Variants in FAM171A1 observed in about 807,000 individuals in gnomAD.
FAM171A1 encodes family with sequence similarity 171 member A1.
FAM171A1 carries 23 observed loss-of-function variants against 74.9 expected under a neutral mutation model. That is an observed-to-expected ratio of 0.31 (90% CI 0.22 to 0.44). FAM171A1 has a LOEUF of 0.44. Ranked by LOEUF, FAM171A1 falls within the 20% of genes least tolerant of loss-of-function variation. FAM171A1 has a pLI of 1.00. For synonymous variants in FAM171A1, 527 were observed against 505.7 expected, an observed-to-expected ratio of 1.04 and a Z score of -0.57; for missense variants, 1,162 against 1,159.2, an observed-to-expected ratio of 1.00 and a Z score of -0.03.
chr10:15,263,675 C>T lies in FAM171A1; in HGVS notation c.419-8796G>A, dbSNP rs150180932. Among the ~76,000 whole-genome samples the T allele has an allele frequency of 2.9e-3, 449 of 152,210 alleles. 3 individuals carry two copies. The highest frequency in any genetic ancestry group is 0.01 in the African/African-American group (422 of 41,520). On this transcript the variant is annotated intron_variant, in intron 3 of 7. Coordinates refer to ENST00000378116, the MANE Select transcript of FAM171A1 (RefSeq NM_001010924.2). ...AAGACAGTCCTGGCTGGCTGCTTGCCTATCTATCTATGCATCTATCAATCA... is the reference window on the plus strand; with the variant it reads ...AAGACAGTCCTGGCTGGCTGCTTGCTTATCTATCTATGCATCTATCAATCA...
At position 15,213,558 on chromosome 10, in the gene FAM171A1, G is replaced by A. The variant is rs140944227; in HGVS notation, c.2030C>T (p.Ala677Val). The A allele has an allele frequency of 6.2e-6, 10 of 1,614,134 alleles. No homozygotes were observed. The South Asian group carries it at 6.6e-5, about 11-fold the overall frequency. The change falls in exon 8 of 8, where the codon GCT becomes GTT. Residue 677 changes from alanine (A) to valine (V), a missense_variant. By Grantham distance (64) the Ala-to-Val change is moderately conservative. Coordinates refer to ENST00000378116, the MANE Select transcript of FAM171A1 (RefSeq NM_001010924.2). This position sits in a 1 kb window ranked among gnomAD's most constrained non-coding sequence, Gnocchi z 6.8. Reference protein sequence around the residue: ...LSIPASLNDAALAQMNSEVQL... With the variant: ...LSIPASLNDAVLAQMNSEVQL... ...CACCTCACTGTTCATCTGAGCCAAA[G>A]CCGCGTCGTTCAGGGAAGCTGGGAT...
Position 15,367,713 on chromosome 10 carries a change from C to T in FAM171A1, c.97+3243G>A, listed in dbSNP as rs1233732403. 2.6e-5 allele frequency among the ~76,000 whole-genome samples: 4 copies of T among 152,232 alleles called. 1 individual carries two copies. The South Asian group carries it at 8.3e-4, about 31-fold the overall frequency. On this transcript the variant is annotated intron_variant, in intron 1 of 7. Transcript: ENST00000378116. Reference sequence around the variant, plus strand: ...CAATCATTGTCTTCAAATGTTATAACAGATTGCAGCTTTTCTGAGATGAGC... The same window carrying T: ...CAATCATTGTCTTCAAATGTTATAATAGATTGCAGCTTTTCTGAGATGAGC...
At chr10:15,294,054 G>T (rs990009190) in intron 1 of FAM171A1, among the ~76,000 whole-genome samples, 1 of 152,206 alleles carries the variant, frequency 6.6e-6, no homozygotes, top group East Asian at 1.9e-4. Context: ...CAAAGGGACC[G>T]CAGAGGAGGC....
At chr10:15,311,659 A>T (rs970363674) in intron 1 of FAM171A1, among the ~76,000 whole-genome samples, 3 of 151,790 alleles carry the variant, frequency 2.0e-5, no homozygotes, top group Admixed American at 6.6e-5. Flanking sequence ...GCCCCCTAGT[A>T]AGCCGCCCCA....
rs1564616781 is a variant in FAM171A1, at chr10:15,229,765, CCATCACCATCATCACCAT to C, written c.755-8723_755-8706del. 2.1e-4 allele frequency among the ~76,000 whole-genome samples: 11 copies of C among 53,394 alleles called. 4 individuals are homozygous for C. Among genetic ancestry groups the C allele is most frequent in the African/African-American group, 7.3e-4 (11 of 15,136 alleles). 35.0% of individuals were successfully genotyped at this position (53,394 alleles called of 152,430 possible). A position where few individuals can be genotyped will look rare whatever the true frequency, so the allele number is the denominator to read the frequency against. On this transcript the variant is annotated intron_variant, in intron 5 of 7. Transcript: ENST00000378116. ...CCCATCACCATCATCACCATCACCA[CCATCACCATCATCACCAT>C]CACCACCATCACCATCATCACCATC...
At chr10:15,359,809 C>T (rs2131888004) in intron 1 of FAM171A1, among the ~76,000 whole-genome samples, 1 of 152,254 alleles carries the variant, frequency 6.6e-6, no homozygotes, top group South Asian at 2.1e-4. Context: ...GGCAAGGTGA[C>T]AAGGAATGCA....
chr10:15,290,803 G>A (rs991883222), intron 1 of FAM171A1, among the ~76,000 whole-genome samples: 1 of 152,152 alleles, frequency 6.6e-6, no homozygotes, highest in African/African-American at 2.4e-5. Flanking sequence ...GAACGACCAG[G>A]TTGTTTACCA....
At position 15,354,811 on chromosome 10, in the gene FAM171A1, A is replaced by G. The variant is rs570068297; in HGVS notation, c.97+16145T>C. Among the ~76,000 whole-genome samples, 5 of 152,284 alleles carry G rather than the reference A, an allele frequency of 3.3e-5. No homozygotes were observed. The East Asian group carries it at 9.6e-4, about 29-fold the overall frequency. On this transcript the variant is annotated intron_variant, in intron 1 of 7. Coordinates refer to ENST00000378116, the MANE Select transcript of FAM171A1 (RefSeq NM_001010924.2). ...GGTGAATGGTACAAGCAGAGGAAATAAGGAAATAATCCTATCCTGTCTAAC... is the reference window on the plus strand; with the variant it reads ...GGTGAATGGTACAAGCAGAGGAAATGAGGAAATAATCCTATCCTGTCTAAC...
chr10:15,234,713 C>A (rs1326658180), intron 5 of FAM171A1, among the ~76,000 whole-genome samples: 1 of 151,300 alleles, frequency 6.6e-6, no homozygotes, highest in Non-Finnish European at 1.5e-5. Context: ...AGTGCAGTGG[C>A]GCGATCTTGG....
At chr10:15,316,367 C>T (rs1035214782) in intron 1 of FAM171A1, among the ~76,000 whole-genome samples, 1 of 152,220 alleles carries the variant, frequency 6.6e-6, no homozygotes, top group Admixed American at 6.5e-5. Flanking sequence ...CTCACCAGGC[C>T]ATTCCTGCTG....
chr10:15,314,118 C>T (rs557850458), intron 1 of FAM171A1, among the ~76,000 whole-genome samples: 1 of 152,288 alleles, frequency 6.6e-6, no homozygotes, highest in South Asian at 2.1e-4. Context: ...ACACGCCAAG[C>T]GTCTGGTCAT....
At chr10:15,268,083 C>T (rs1409296058) in intron 3 of FAM171A1, among the ~76,000 whole-genome samples, 2 of 152,104 alleles carry the variant, frequency 1.3e-5, no homozygotes, top group Admixed American at 6.5e-5. Context: ...TGTGGGAAGC[C>T]CTGTGTGTAT....
chr10:15,263,737 G>GTCTATCTA (rs1281895674), intron 3 of FAM171A1, among the ~76,000 whole-genome samples: 4 of 106,010 alleles, frequency 3.8e-5, no homozygotes, highest in African/African-American at 9.9e-5. Flanking sequence ...CTATCTATCT[G>GTCTATCTA]TCTGTCTATC....
intron 1 of FAM171A1, among the ~76,000 whole-genome samples, chr10:15,316,979 G>A (rs980863618): frequency 2.0e-5 from 3 of 151,888 alleles, no homozygotes; most frequent in Non-Finnish European, 4.4e-5. Flanking sequence ...GGACTGAAGA[G>A]TTCACCAGCA....
chr10:15,356,248 A>G (rs1835931059), intron 1 of FAM171A1, among the ~76,000 whole-genome samples: 1 of 150,288 alleles, frequency 6.7e-6, no homozygotes, highest in Admixed American at 6.7e-5. Context: ...ATACATACAT[A>G]TATATATATA....
chr10:15,224,692 A>G (rs1478740591), intron 5 of FAM171A1, among the ~76,000 whole-genome samples: 3 of 152,162 alleles, frequency 2.0e-5, no homozygotes, highest in Admixed American at 1.3e-4. Flanking sequence ...CTTGCCTGCC[A>G]CCATGTAAGA....
At chr10:15,336,616 G>A (rs1835703920) in intron 1 of FAM171A1, among the ~76,000 whole-genome samples, 1 of 152,074 alleles carries the variant, frequency 6.6e-6, no homozygotes, top group African/African-American at 2.4e-5. Flanking sequence ...GGTTGTGTCT[G>A]GCCAGAAATG....
intron 1 of FAM171A1, among the ~76,000 whole-genome samples, chr10:15,370,177 G>A (rs913723540): frequency 5.3e-5 from 8 of 151,588 alleles, no homozygotes; most frequent in African/African-American, 1.9e-4. Context: ...AAGCAGATTT[G>A]TGGAGGCCAA....
intron 1 of FAM171A1, among the ~76,000 whole-genome samples, chr10:15,336,315 A>T (rs968414434): frequency 6.8e-6 from 1 of 147,632 alleles, no homozygotes; most frequent in Middle Eastern, 3.4e-3. Flanking sequence ...AAAGACCCAG[A>T]TTTTTTTTTT....
Sources: allele counts gnomAD v4.1 joint callset (sites outside exome capture counted in the v4.1 genomes callset), GRCh38; gene constraint gnomAD v4.1.1; non-coding constraint Gnocchi (gnomAD v3.1); transcripts MANE v1.5; gene names NCBI Gene and HGNC (gene_info 2026-07-23, HGNC 2026-07-21).